The following PDE1C variants were observed in gnomAD, a reference collection of about 807,000 sequenced individuals.
PDE1C encodes dual specificity calcium/calmodulin-dependent 3',5'-cyclic nucleotide phosphodiesterase 1C.
In PDE1C, 62 loss-of-function variants were observed where a neutral mutation model predicts 93.1. The ratio of observed to expected loss-of-function variants is 0.67; its 90% confidence interval spans 0.54 to 0.82. The LOEUF (loss-of-function observed/expected upper bound fraction) is 0.82, where lower values mean the gene tolerates loss of function less well. PDE1C is among the 40% of genes least tolerant of loss of function. PDE1C has a pLI of 0.00. For missense variants in PDE1C, 742 were observed against 884.6 expected (o/e 0.84, Z 2.04); for synonymous variants, 325 against 310.1 (o/e 1.05, Z -0.50).
chr7:32,119,447 A>T (rs1312808689), intron 3 of PDE1C, among the ~76,000 whole-genome samples: 1 of 152,204 alleles, frequency 6.6e-6, no homozygotes, highest in African/African-American at 2.4e-5. Context: ...CAAGGCTGGT[A>T]AACTTTCCAA....
intron 3 of PDE1C, among the ~76,000 whole-genome samples, chr7:32,120,077 A>C (rs2128763113): frequency 6.6e-6 from 1 of 152,328 alleles, no homozygotes. Context: ...GGACAGCTTC[A>C]TCCCTAGAGG....
intron 1 of PDE1C, among the ~76,000 whole-genome samples, chr7:32,218,604 G>T (rs773338478): frequency 6.6e-6 from 1 of 152,206 alleles, no homozygotes; most frequent in Non-Finnish European, 1.5e-5. Flanking sequence ...TGAGTCATAT[G>T]TAGAGGCTCA....
chr7:32,052,893 T>A (rs1009357728), intron 1 of PDE1C, among the ~76,000 whole-genome samples: 1 of 152,184 alleles, frequency 6.6e-6, no homozygotes, highest in Middle Eastern at 3.2e-3. Context: ...TCACTCCTTT[T>A]TAGTTTTATG....
In PDE1C at chr7:32,005,578, A is replaced by AAAAAAAAAAAAAAAAAAAC. The variant is rs1204630246; in HGVS notation, c.128+45975_128+45976insGTTTTTTTTTTTTTTTTTT. Among the ~76,000 whole-genome samples the AAAAAAAAAAAAAAAAAAAC allele has an allele frequency of 4.4e-4, 46 of 103,790 alleles. 9 individuals carry two copies. Among genetic ancestry groups the AAAAAAAAAAAAAAAAAAAC allele is most frequent in the Non-Finnish European group, 6.2e-4 (31 of 49,892 alleles). 68.1% of individuals were successfully genotyped at this position (103,790 alleles called of 152,430 possible). On this transcript the variant is annotated intron_variant, in intron 2 of 17. Coordinates refer to ENST00000396191, the MANE Select transcript of PDE1C (RefSeq NM_001191057.4). ...TTCAAAAAAAAAAAAAAAAAAAAAA[A>AAAAAAAAAAAAAAAAAAAC]AAAGAATTGTGATCTGAGAAATCAC...
chr7:32,010,787 T>G (rs1457954583), intron 2 of PDE1C, among the ~76,000 whole-genome samples: 1 of 152,172 alleles, frequency 6.6e-6, no homozygotes, highest in African/African-American at 2.4e-5. Context: ...GGTCTTCACA[T>G]CAGTCTTCCC....
At chr7:32,035,061 C>T (rs1488810851) in intron 2 of PDE1C, among the ~76,000 whole-genome samples, 7 of 152,042 alleles carry the variant, frequency 4.6e-5, no homozygotes, top group Non-Finnish European at 1.0e-4. Context: ...GGAGCATTGC[C>T]CTCTTGGAAA....
At chr7:31,656,501 G>A in the PDE1C span, 3 of 978,714 alleles carry the variant, frequency 3.1e-6, no homozygotes, top group South Asian at 9.6e-5. Flanking sequence ...AATGCTAACT[G>A]TAATTACTGT....
At chr7:31,957,714 GC>G (rs1808336911) in intron 2 of PDE1C, among the ~76,000 whole-genome samples, 1 of 152,122 alleles carries the variant, frequency 6.6e-6, no homozygotes, top group Admixed American at 6.6e-5. Flanking sequence ...GAGTAGCTTA[GC>G]AGAAATGCAT....
chr7:31,957,808 A>G (rs1290871194), intron 2 of PDE1C, among the ~76,000 whole-genome samples: 2 of 152,170 alleles, frequency 1.3e-5, no homozygotes, highest in African/African-American at 4.8e-5. Flanking sequence ...ACAAGCAGGT[A>G]GAAAATATCA....
the PDE1C span, among the ~76,000 whole-genome samples, chr7:31,738,338 G>A: frequency 9.2e-5 from 14 of 152,192 alleles, no homozygotes; most frequent in Admixed American, 2.0e-4. Context: ...CACAATCATG[G>A]CGGTAGGTGA....
chr7:32,272,935 C>T (rs1221090046), intron 1 of PDE1C, among the ~76,000 whole-genome samples: 1 of 152,176 alleles, frequency 6.6e-6, no homozygotes, highest in Non-Finnish European at 1.5e-5. Context: ...TGGGTCTATA[C>T]TATAATATTA....
intron 1 of PDE1C, among the ~76,000 whole-genome samples, chr7:32,284,439 G>T (rs781762140): frequency 6.6e-6 from 1 of 152,210 alleles, no homozygotes; most frequent in African/African-American, 2.4e-5. Context: ...CTAGTACCTA[G>T]TATTCCAAAT....
chr7:31,869,465 G>A (rs1468646185), intron 6 of PDE1C, among the ~76,000 whole-genome samples: 1 of 151,912 alleles, frequency 6.6e-6, no homozygotes, highest in East Asian at 1.9e-4. Flanking sequence ...GCAAGCAGGA[G>A]TAGCTATACT....
intron 2 of PDE1C, among the ~76,000 whole-genome samples, chr7:31,883,915 A>G (rs549580973): frequency 6.6e-6 from 1 of 152,346 alleles, no homozygotes; most frequent in East Asian, 1.9e-4. Context: ...AGTCACATTT[A>G]TGCATTCAGT....
intron 17 of PDE1C, among the ~76,000 whole-genome samples, chr7:31,770,773 G>T (rs144838711): frequency 1.3e-5 from 2 of 152,274 alleles, no homozygotes; most frequent in East Asian, 3.9e-4. Context: ...GCCTCCAAAA[G>T]TGCATGAGCC....
intron 11 of PDE1C, among the ~76,000 whole-genome samples, chr7:31,834,946 C>A (rs1433470585): frequency 2.0e-5 from 3 of 152,022 alleles, no homozygotes; most frequent in Non-Finnish European, 4.4e-5. Context: ...GTGGGATGAA[C>A]CTGGTGAGAG....
At chr7:32,005,253 T>A (rs553145405) in intron 2 of PDE1C, among the ~76,000 whole-genome samples, 3 of 152,132 alleles carry the variant, frequency 2.0e-5, no homozygotes, top group South Asian at 4.2e-4. Flanking sequence ...CATTCACAAC[T>A]GGATAAAAAT....
chr7:31,859,972 T>G (rs1334613037), intron 7 of PDE1C, among the ~76,000 whole-genome samples: 1 of 152,204 alleles, frequency 6.6e-6, no homozygotes, highest in Non-Finnish European at 1.5e-5. Context: ...TATTGATAGG[T>G]ATATACTCCG....
chr7:32,149,547 C>T (rs994781717), intron 3 of PDE1C, among the ~76,000 whole-genome samples: 1 of 152,214 alleles, frequency 6.6e-6, no homozygotes, highest in Non-Finnish European at 1.5e-5. Context: ...ACTTAAATAA[C>T]TTCAGTGTCC....
Sources: allele counts gnomAD v4.1 joint callset (sites outside exome capture counted in the v4.1 genomes callset), GRCh38; gene constraint gnomAD v4.1.1; transcripts MANE v1.5; gene names NCBI Gene and HGNC (gene_info 2026-07-23, HGNC 2026-07-21).